ASB12: variants seen among roughly 807,000 people sequenced by gnomAD.
ASB12 encodes ankyrin repeat and SOCS box containing 12, also known as ankyrin repeat and SOCS box protein 12.
Under a neutral mutation model 13.7 loss-of-function variants are expected in ASB12, and 17 were observed. The ratio of observed to expected loss-of-function variants is 1.24; its 90% CI spans 0.85 to 1.86. ASB12 has a LOEUF of 1.86. Ranked by LOEUF, ASB12 falls within the 40% of genes most tolerant of loss-of-function variation. ASB12 has a pLI of 0.00. For missense variants in ASB12, 329 were observed against 250.5 expected, an observed-to-expected ratio of 1.31 and a Z score of -2.11; for synonymous variants, 107 against 99.8, an observed-to-expected ratio of 1.07 and a Z score of -0.43.
intron 1 of ASB12, among the ~76,000 whole-genome samples, chrX:64,226,430 C>T (rs1930953010): frequency 1.8e-5 from 2 of 112,156 alleles, no homozygotes; most frequent in African/African-American, 6.5e-5. Context: ...TTACAAAGAA[C>T]ATATTTCAAG....
At chrX:64,230,232 G>A (rs1397911038) in intron 1 of ASB12, among the ~76,000 whole-genome samples, 1 of 111,055 alleles carries the variant, frequency 9.0e-6, no homozygotes, top group Non-Finnish European at 1.9e-5. Flanking sequence ...GTTTAGACCC[G>A]AGGTCCTAGG....
At chrX:64,228,074 T>A (rs1309127010) in intron 1 of ASB12, among the ~76,000 whole-genome samples, 1 of 112,345 alleles carries the variant, frequency 8.9e-6, no homozygotes, top group Non-Finnish European at 1.9e-5. Context: ...ACATATCTGA[T>A]CTCTACCAAT....
At chrX:64,228,989 A>G (rs1931003320) in intron 1 of ASB12, among the ~76,000 whole-genome samples, 1 of 111,216 alleles carries the variant, frequency 9.0e-6, no homozygotes. Context: ...GCAAAAGCAG[A>G]GTCAGAAATA....
intron 1 of ASB12, chrX:64,226,803 TC>T (rs2147104571): frequency 1.4e-6 from 1 of 707,713 alleles, no homozygotes; most frequent in Non-Finnish European, 1.7e-6. Context: ...TCCCCTACTC[TC>T]CCATACCCTG....
At position 64,224,319 on chromosome X, in the gene ASB12, T is replaced by C; in HGVS notation, c.*16A>G. 1.7e-6 allele frequency: 2 copies of C among 1,209,676 alleles called. No homozygotes were observed. Among genetic ancestry groups the C allele is most frequent in the East Asian group, 3.0e-5 (1 of 33,782 alleles). Reference sequence around the variant, plus strand: ...GGTTTTCGGAGGCATCATAAGTTCCTGGGGAGACTGCAAGATTACAGTTGG... The same window carrying C: ...GGTTTTCGGAGGCATCATAAGTTCCCGGGGAGACTGCAAGATTACAGTTGG... On this transcript the variant is annotated 3_prime_UTR_variant, in exon 3 of 3. Transcript: ENST00000362002.
chrX:64,229,752 A>G (rs1931019286), intron 1 of ASB12, among the ~76,000 whole-genome samples: 1 of 112,508 alleles, frequency 8.9e-6, no homozygotes, highest in African/African-American at 3.2e-5. Flanking sequence ...ATGACATTTC[A>G]AGATCTCTGC....
At chrX:64,224,591 G>A in intron 2 of ASB12, 123 bp from the exon 3 acceptor site, 1 of 899,620 alleles carries the variant, frequency 1.1e-6, no homozygotes, top group Non-Finnish European at 1.5e-6. Context: ...GAAATAAACA[G>A]TCATTGGCAG....
Position 64,224,251 on chromosome X carries a change from T to C in ASB12, c.*84A>G, listed in dbSNP as rs766618823. ...ATACAGGAGAGCAGCTCCAGGTAAG[T>C]GGATGAGGCTGTAATGCTCTCCAGC... On this transcript the variant is annotated 3_prime_UTR_variant, in exon 3 of 3. Transcript: ENST00000362002. 1 of 1,031,574 alleles carries C rather than the reference T, an allele frequency of 9.7e-7. No homozygotes were observed. The highest frequency in any genetic ancestry group is 1.3e-6 in the Non-Finnish European group (1 of 743,603). The allele number at this position is 1,031,574 out of a possible 1,213,427, so 85.0% of individuals were successfully genotyped here.
chrX:64,230,115 C>T (rs1226271683), intron 1 of ASB12, among the ~76,000 whole-genome samples: 1 of 110,995 alleles, frequency 9.0e-6, no homozygotes, highest in Non-Finnish European at 1.9e-5. Context: ...TAAACCCACT[C>T]TAAGGCACCC....
intron 1 of ASB12, among the ~76,000 whole-genome samples, 165 bp from the exon 2 acceptor site, chrX:64,225,839 C>T (rs989583721): frequency 8.9e-6 from 1 of 111,777 alleles, no homozygotes; most frequent in African/African-American, 3.3e-5. Context: ...AAAGACACTG[C>T]CAAAACAGGT....
intron 1 of ASB12, chrX:64,226,724 G>A: frequency 1.3e-6 from 1 of 754,271 alleles, no homozygotes; most frequent in Admixed American, 8.6e-5. Flanking sequence ...CAGTGCTTCA[G>A]TGTCAAGGTC....
chrX:64,225,034 T>A lies in ASB12; in HGVS notation c.617A>T (p.Asp206Val), dbSNP rs748558252. ...CTGGTCAGTGCAGTTGTAGTCAGGG[T>A]CTGCCCCGTGGAGCAAAAGCAGGCG... ...CFRLLLLHGA[D>V]PDYNCTDQGL... Residue 206 changes from aspartate (D) to valine (V), a missense_variant, in exon 2 of 3, where the codon GAC (aspartate) becomes GTC (valine). Transcript: ENST00000362002. 1 of 1,211,365 alleles carries A rather than the reference T, an allele frequency of 8.3e-7. No homozygotes were observed. Among genetic ancestry groups the A allele is most frequent in the East Asian group, 3.0e-5 (1 of 33,824 alleles).
intron 1 of ASB12, chrX:64,226,638 C>T: frequency 3.1e-6 from 2 of 650,006 alleles, no homozygotes; most frequent in Non-Finnish European, 3.7e-6. Context: ...ACCTTCAACT[C>T]TTCTCTTTCC....
intron 1 of ASB12, 121 bp downstream of exon 1, chrX:64,230,342 C>G (rs1931032942): frequency 1.8e-5 from 2 of 111,331 alleles, no homozygotes; most frequent in Non-Finnish European, 3.8e-5. Context: ...AGCGCCTCCC[C>G]CAACTCCCAC....
At chrX:64,226,268 G>T (rs1930950356) in intron 1 of ASB12, among the ~76,000 whole-genome samples, 1 of 112,418 alleles carries the variant, frequency 8.9e-6, no homozygotes, top group African/African-American at 3.2e-5. Context: ...TTTTCAGATA[G>T]TTTAACTCTT....
chrX:64,225,738 C>A, intron 1 of ASB12, 64 bp from the exon 2 acceptor site: 1 of 1,064,181 alleles, frequency 9.4e-7, no homozygotes, highest in South Asian at 2.3e-5. Flanking sequence ...CATGCACGCT[C>A]CTTGAAATCT....
At chrX:64,228,682 G>T (rs1381131945) in intron 1 of ASB12, among the ~76,000 whole-genome samples, 1 of 111,542 alleles carries the variant, frequency 9.0e-6, no homozygotes, top group Non-Finnish European at 1.9e-5. Context: ...TAAGGCTATT[G>T]CTCCCTACTT....
In ASB12 at chrX:64,224,250, G is replaced by T; in HGVS notation, c.*85C>A. ...AATACAGGAGAGCAGCTCCAGGTAAGTGGATGAGGCTGTAATGCTCTCCAG... is the reference window on the plus strand; with the variant it reads ...AATACAGGAGAGCAGCTCCAGGTAATTGGATGAGGCTGTAATGCTCTCCAG... On this transcript the variant is annotated 3_prime_UTR_variant, in exon 3 of 3. Transcript: ENST00000362002. 1 of 1,040,142 alleles carries T rather than the reference G, an allele frequency of 9.6e-7. No individual in the cohort carries two copies. 85.7% of individuals were successfully genotyped at this position (1,040,142 alleles called of 1,213,427 possible). A position where few individuals can be genotyped will look rare whatever the true frequency, so the allele number is the denominator to read the frequency against.
At chrX:64,226,828 A>C in intron 1 of ASB12, 3 of 577,475 alleles carry the variant, frequency 5.2e-6, no homozygotes, top group African/African-American at 2.5e-5. Flanking sequence ...CTGAGGTCTC[A>C]GGACCTCATA....
Sources: allele counts gnomAD v4.1 joint callset (sites outside exome capture counted in the v4.1 genomes callset), GRCh38; gene constraint gnomAD v4.1.1; transcripts MANE v1.5; gene names NCBI Gene and HGNC (gene_info 2026-07-23, HGNC 2026-07-21).